The following TNC variants were observed in gnomAD, a reference collection of about 807,000 sequenced individuals.
TNC encodes tenascin.
In TNC, 109 loss-of-function variants were observed where a neutral mutation model predicts 202.4. The observed-to-expected ratio is 0.54, with a 90% CI of 0.46 to 0.63. TNC has a LOEUF of 0.63. Among genes scored for constraint, TNC ranks in the 30% least tolerant of loss-of-function variants. The pLI, the probability that TNC is intolerant of heterozygous loss-of-function variation, is 0.00. For missense variants in TNC, 2,756 were observed against 2,833.3 expected (o/e 0.97, Z 0.62); for synonymous variants, 1,007 against 1,089.7 (o/e 0.92, Z 1.50).
At chr9:115,079,020 A>T (rs961280668) in intron 6 of TNC, among the ~76,000 whole-genome samples, 2 of 152,190 alleles carry the variant, frequency 1.3e-5, no homozygotes, top group African/African-American at 4.8e-5. Flanking sequence ...GTAAACACAT[A>T]TTCCCTCCCT....
Position 115,115,436 on chromosome 9 carries a change from G to A in TNC, c.-137+2546C>T, listed in dbSNP as rs190411631. On this transcript the variant is annotated intron_variant, in intron 1 of 27. Transcript: ENST00000350763. Reference sequence around the variant, plus strand: ...TATCACTCTGAGTTCTAGGACCTTGGTAAAGTTATTCAGTCTCCCTGTTCT... The same window carrying A: ...TATCACTCTGAGTTCTAGGACCTTGATAAAGTTATTCAGTCTCCCTGTTCT... Among the ~76,000 whole-genome samples the A allele has an allele frequency of 1.6e-4, 24 of 152,274 alleles. No individual in the cohort carries two copies. In the South Asian group the frequency reaches 3.3e-3, roughly 21 times the overall value.
At chr9:115,038,827 TTTTTC>T (rs1156904706) in intron 19 of TNC, among the ~76,000 whole-genome samples, 6 of 151,794 alleles carry the variant, frequency 4.0e-5, no homozygotes, top group African/African-American at 4.8e-5. Flanking sequence ...TTTCTTTGCT[TTTTTC>T]TTTTCTTTTT....
chr9:115,080,637 A>G (rs1016673055), intron 6 of TNC, among the ~76,000 whole-genome samples: 78 of 152,234 alleles, frequency 5.1e-4, no homozygotes, highest in African/African-American at 1.8e-3. Flanking sequence ...GCAGCTGTGC[A>G]CGGTGGCTCA....
intron 15 of TNC, among the ~76,000 whole-genome samples, chr9:115,051,823 G>T (rs1033698034): frequency 1.3e-5 from 2 of 151,628 alleles, no homozygotes; most frequent in African/African-American, 4.8e-5. Flanking sequence ...ATAAAACTGG[G>T]CACAAAAAAC....
rs1425970323 is a variant in TNC at position 115,075,225 on chromosome 9, G to T, written c.2950+807C>A. 2.0e-5 allele frequency among the ~76,000 whole-genome samples: 3 copies of T among 152,110 alleles called. No individual in the cohort carries two copies. In the East Asian group the frequency reaches 5.8e-4, roughly 29 times the overall value. On this transcript the variant is annotated intron_variant, in intron 9 of 27. Coordinates refer to ENST00000350763, the MANE Select transcript of TNC (RefSeq NM_002160.4). ...AATGGAAAAAAAAATCTTGAGGAAA[G>T]AATCAATGACCTCAAATCAGGTAGC...
At chr9:115,078,268 T>C in intron 6 of TNC, 56 bp from the exon 7 acceptor site, 1 of 1,536,082 alleles carries the variant, frequency 6.5e-7, no homozygotes, top group East Asian at 2.3e-5. Context: ...GCCTGAGGCT[T>C]AGCAGAGAGA....
In TNC at chr9:115,046,583, A is replaced by G. The variant is rs1346641732; in HGVS notation, c.4952T>C (p.Val1651Ala). ...CTTTTTGGTATCTCTGATTTTGAGA[A>G]CAAAATTGTCGAAGACCCCTTCATC... ...TADEGVFDNF[V>A]LKIRDTKKQS... Residue 1651 changes from valine (V) to alanine (A), a missense_variant, in exon 17 of 28, where the codon GTT becomes GCT. Coordinates refer to ENST00000350763, the MANE Select transcript of TNC (RefSeq NM_002160.4). 2.5e-6 allele frequency: 4 copies of G among 1,613,980 alleles called. No individual in the cohort carries two copies. Among genetic ancestry groups the G allele is most frequent in the East Asian group, 4.5e-5 (2 of 44,892 alleles).
intron 17 of TNC, 143 bp downstream of exon 17, chr9:115,046,267 A>G (rs1240361094): frequency 1.0e-6 from 1 of 991,782 alleles, no homozygotes; most frequent in Non-Finnish European, 1.5e-6. Flanking sequence ...AAATTGTCCA[A>G]GGTAACACAG....
chr9:115,112,268 C>A (rs1837135762), intron 1 of TNC, among the ~76,000 whole-genome samples: 2 of 152,146 alleles, frequency 1.3e-5, no homozygotes, highest in African/African-American at 4.8e-5. Context: ...AAAGATCTTT[C>A]CCTTCTCTAT....
intron 5 of TNC, 70 bp downstream of exon 5, chr9:115,082,622 G>T (rs1834386062): frequency 1.8e-6 from 2 of 1,119,798 alleles, no homozygotes; most frequent in African/African-American, 1.5e-5. Context: ...TGATACAGAA[G>T]TCTTCAGAAC....
rs1206005250 is a variant in TNC at position 115,083,786 on chromosome 9, G to C, written c.2131+423C>G. 4.6e-5 allele frequency among the ~76,000 whole-genome samples: 7 copies of C among 152,040 alleles called. No individual in the cohort carries two copies. In the East Asian group the frequency reaches 1.2e-3, roughly 25 times the overall value. On this transcript the variant is annotated intron_variant, in intron 4 of 27. Transcript: ENST00000350763. ...GGCCCGACTAATTTTTGTATTTTTA[G>C]TAGAGACAGGGTTTCGCCATGCTGG...
At chr9:115,070,091 G>A (rs1209357430) in intron 10 of TNC, among the ~76,000 whole-genome samples, 1 of 151,966 alleles carries the variant, frequency 6.6e-6, no homozygotes, top group African/African-American at 2.4e-5. Flanking sequence ...GATGGAATCA[G>A]TCCTTATATT....
chr9:115,057,064 T>C, intron 15 of TNC, 89 bp downstream of exon 15: 1 of 1,465,520 alleles, frequency 6.8e-7, no homozygotes, highest in Middle Eastern at 2.5e-4. Context: ...CTGTGGCTTG[T>C]ACATCAATGG....
At chr9:115,076,791 C>T (rs1410584474) in intron 7 of TNC, among the ~76,000 whole-genome samples, 2 of 152,212 alleles carry the variant, frequency 1.3e-5, no homozygotes, top group East Asian at 3.8e-4. Flanking sequence ...ACACTTTAGT[C>T]ATTTGTGTTT....
At position 115,036,553 on chromosome 9, in the gene TNC, G is replaced by C. The variant is rs28393206; in HGVS notation, c.5513-312C>G. 0.16 allele frequency among the ~76,000 whole-genome samples: 24,183 copies of C among 152,122 alleles called. 2,113 individuals are homozygous for C. Among genetic ancestry groups the C allele is most frequent in the African/African-American group, 0.22 (9,227 of 41,474 alleles). ...TCGCTTTGCCACTGAGACCGAGGTA[G>C]AGGACGGTCGGAGGGGACATCCCCA... On this transcript the variant is annotated intron_variant, in intron 20 of 27. Coordinates refer to ENST00000350763, the MANE Select transcript of TNC (RefSeq NM_002160.4).
intron 1 of TNC, among the ~76,000 whole-genome samples, chr9:115,099,346 A>G (rs1836048086): frequency 6.6e-6 from 1 of 152,212 alleles, no homozygotes; most frequent in South Asian, 2.1e-4. Context: ...ATGTAAACAG[A>G]TACTTGTTGT....
chr9:115,062,479 C>T (rs116937161), intron 13 of TNC, among the ~76,000 whole-genome samples: 1,897 of 151,910 alleles, frequency 0.012, 26 homozygotes, highest in Middle Eastern at 0.054. Context: ...TGTGGTGGCT[C>T]ACACCTGTGG....
In TNC at chr9:115,073,855, G is replaced by A; in HGVS notation, c.2962C>T (p.Pro988Ser). The A allele has an allele frequency of 6.2e-7, 1 of 1,610,412 alleles. No individual in the cohort carries two copies. Residue 988 changes from proline (P) to serine (S), a missense_variant, in exon 10 of 28, where the codon CCC (proline) becomes TCC (serine). By Grantham distance (74) the Pro-to-Ser change is moderately conservative. Coordinates refer to ENST00000350763, the MANE Select transcript of TNC (RefSeq NM_002160.4). ...GTTTCAGAAACCTGAAGGTCCTTGG[G>A]CGTGTCCAACTCTGGGAGGAGAACA... ...TINAATELDT[P>S]KDLQVSETAE...
At position 115,085,923 on chromosome 9, in the gene TNC, T is replaced by C; in HGVS notation, c.1808A>G (p.Gln603Arg). ...SCPSDCNNLG[Q>R]CVSGRCICNE... ...GCAGATGCAGCGGCCCGAGACGCAT[T>C]GTCCTAAGTTGTTGCAGTCACTGGG... Residue 603 changes from glutamine (Q) to arginine (R), a missense_variant, in exon 3 of 28, where the codon CAA (glutamine) becomes CGA (arginine). Around this residue, in one of 2 missense-constraint regions of TNC, gnomAD observed 2,559 missense variants for 2,546.0 expected, o/e 1.01. Coordinates refer to ENST00000350763, the MANE Select transcript of TNC (RefSeq NM_002160.4). The C allele has an allele frequency of 6.2e-7, 1 of 1,613,426 alleles. No individual in the cohort carries two copies. Among genetic ancestry groups the C allele is most frequent in the Non-Finnish European group, 8.5e-7 (1 of 1,179,510 alleles).
Sources: allele counts gnomAD v4.1 joint callset (sites outside exome capture counted in the v4.1 genomes callset), GRCh38; gene constraint gnomAD v4.1.1; regional missense constraint gnomAD v4.1.1; transcripts MANE v1.5; gene names NCBI Gene and HGNC (gene_info 2026-07-23, HGNC 2026-07-21).